TFAP2A: variants seen among roughly 807,000 people sequenced by gnomAD.
TFAP2A encodes transcription factor AP-2-alpha.
TFAP2A carries 7 observed loss-of-function variants against 41.5 expected under a neutral mutation model. That is an observed-to-expected ratio of 0.17 (90% CI 0.10 to 0.32). The LOEUF (loss-of-function observed/expected upper bound fraction) is 0.32, where lower values mean the gene tolerates loss of function less well. Ranked by LOEUF, TFAP2A falls within the 10% of genes least tolerant of loss-of-function variation. TFAP2A has a pLI of 1.00. For synonymous variants in TFAP2A, 247 were observed against 242.8 expected (o/e 1.02, Z -0.16); for missense variants, 416 against 563.3 (o/e 0.74, Z 2.65).
At chr6:10,404,126 T>C (rs62395333) in intron 4 of TFAP2A, among the ~76,000 whole-genome samples, 1,583 of 152,102 alleles carry the variant, frequency 0.01, 45 homozygotes, top group Non-Finnish European at 0.014. Context: ...GCTTGCAAGG[T>C]GTGCGCGAAG....
intron 1 of TFAP2A, chr6:10,411,692 G>C: frequency 6.3e-7 from 1 of 1,594,314 alleles, no homozygotes; most frequent in Non-Finnish European, 8.5e-7. Flanking sequence ...CCACACAAAA[G>C]GCGCCGAGAG....
At chr6:10,414,367 T>C (rs1758149596) in intron 1 of TFAP2A, among the ~76,000 whole-genome samples, 2 of 151,982 alleles carry the variant, frequency 1.3e-5, no homozygotes, top group African/African-American at 4.8e-5. Context: ...TTGAACCCGC[T>C]TACAGGAAGA....
Position 10,400,518 on chromosome 6 carries a change from C to T in TFAP2A, c.961G>A (p.Glu321Lys). 6 of 1,614,110 alleles carry T rather than the reference C, an allele frequency of 3.7e-6. No individual in the cohort carries two copies. Among genetic ancestry groups the T allele is most frequent in the Non-Finnish European group, 5.1e-6 (6 of 1,180,030 alleles). The change falls in exon 6 of 7, where the codon GAA becomes AAA. Residue 321 changes from glutamate to lysine, a missense_variant. Transcript: ENST00000379613. Reference sequence around the variant, plus strand: ...TCGGAATGTTGTCGGTTGAGAAATTCAGCTACTGCTTTGGCAGGAAATTCG... The same window carrying T: ...TCGGAATGTTGTCGGTTGAGAAATTTAGCTACTGCTTTGGCAGGAAATTCG... ...ETEFPAKAVAEFLNRQHSDPN... is the reference protein window; with the variant it reads ...ETEFPAKAVAKFLNRQHSDPN...
chr6:10,412,655 TC>T, intron 1 of TFAP2A: 1 of 325,974 alleles, frequency 3.1e-6, no homozygotes, highest in Non-Finnish European at 6.3e-6. Context: ...TGGGACCGCG[TC>T]CGGGCGCTCG....
intron 4 of TFAP2A, among the ~76,000 whole-genome samples, chr6:10,403,146 A>G (rs987904418): frequency 1.5e-4 from 23 of 152,386 alleles, no homozygotes; most frequent in African/African-American, 4.6e-4. Context: ...TCAAAAGCTG[A>G]TATCAGCCCT....
upstream of TFAP2A, chr6:10,415,089 G>GA (rs1758188948): frequency 6.8e-7 from 1 of 1,478,552 alleles, no homozygotes; most frequent in African/African-American, 1.5e-5. Flanking sequence ...GTGAGCGCAG[G>GA]AGGAGGAGGA....
intron 5 of TFAP2A, 32 bp from the exon 6 acceptor site, chr6:10,400,621 G>A (rs200057899): frequency 9.3e-6 from 15 of 1,613,512 alleles, no homozygotes; most frequent in South Asian, 3.3e-5. Flanking sequence ...GAGCCAGTGC[G>A]AGAGAATGAA....
chr6:10,414,224 A>C (rs1230080394), intron 1 of TFAP2A, among the ~76,000 whole-genome samples: 2 of 152,086 alleles, frequency 1.3e-5, no homozygotes, highest in South Asian at 2.1e-4. Context: ...GGCGCAGCAC[A>C]TCTCCCCACC....
rs572036139 is a variant in TFAP2A at position 10,409,884 on chromosome 6, G to A, written c.486+17C>T. 36 of 1,548,180 alleles carry A rather than the reference G, an allele frequency of 2.3e-5. No homozygotes were observed. Among genetic ancestry groups the A allele is most frequent in the Middle Eastern group, 1.7e-4 (1 of 5,986 alleles). On this transcript the variant is annotated intron_variant, in intron 2 of 6. Coordinates refer to ENST00000379613, the MANE Select transcript of TFAP2A (RefSeq NM_001372066.1). ...GGGGGCTGTGTTCCCTCCCGCGCTGGTTGCGCGGCCTCTTACCGGGACCTC... is the reference window on the plus strand; with the variant it reads ...GGGGGCTGTGTTCCCTCCCGCGCTGATTGCGCGGCCTCTTACCGGGACCTC...
At chr6:10,404,856 G>T in intron 3 of TFAP2A, 117 bp from the exon 4 acceptor site, 1 of 880,042 alleles carries the variant, frequency 1.1e-6, no homozygotes, top group Non-Finnish European at 1.8e-6. Context: ...CACAGTCCCC[G>T]CTTTTCCGTC....
chr6:10,408,856 T>C (rs2113198323), intron 2 of TFAP2A, among the ~76,000 whole-genome samples: 1 of 152,380 alleles, frequency 6.6e-6, no homozygotes, highest in Non-Finnish European at 1.5e-5. Flanking sequence ...TCTAATGTAG[T>C]AATCATTAAA....
chr6:10,404,960 C>T, intron 3 of TFAP2A: 1 of 596,346 alleles, frequency 1.7e-6, no homozygotes, highest in Non-Finnish European at 3.0e-6. Flanking sequence ...CCTGCCCTCC[C>T]CCAGCCAGCC....
upstream of TFAP2A, chr6:10,415,331 G>A: frequency 8.0e-7 from 1 of 1,254,226 alleles, no homozygotes; most frequent in Non-Finnish European, 1.0e-6. Flanking sequence ...ATCAACAATA[G>A]TCCAATTGCT....
intron 2 of TFAP2A, chr6:10,409,690 A>T (rs2857073): frequency 1.7e-6 from 1 of 595,900 alleles, no homozygotes; most frequent in South Asian, 2.0e-5. Flanking sequence ...TGTTTGAGGG[A>T]GCTCCAGAAA....
chr6:10,398,555 A>G lies in TFAP2A; in HGVS notation c.1182T>C (p.Cys394=), dbSNP rs2113997896. 1 of 1,614,192 alleles carries G rather than the reference A, an allele frequency of 6.2e-7. No homozygotes were observed. The highest frequency in any genetic ancestry group is 8.5e-7 in the Non-Finnish European group (1 of 1,180,010). ...ISHGFGSPAV[C]AAVTALQNYL... ...AGTTCTGCAGGGCCGTGACCGCGGC[A>G]CACACCGCGGGGCTGCCGAAGCCGT... is the stretch of plus-strand genomic sequence containing the variant. Residue 394 remains cysteine (C), a synonymous_variant, in exon 7 of 7, where the codon TGT becomes TGC. Transcript: ENST00000379613. The surrounding 1 kb of genome is among the most constrained non-coding windows in gnomAD (Gnocchi z 5.3).
chr6:10,399,953 G>A (rs1388553772), intron 6 of TFAP2A, among the ~76,000 whole-genome samples: 5 of 149,790 alleles, frequency 3.3e-5, no homozygotes, highest in South Asian at 2.1e-4. Context: ...TGTCACTTTC[G>A]AGAAGGGGTT....
chr6:10,409,565 G>C lies in TFAP2A; in HGVS notation c.486+336C>G, dbSNP rs567076150. 8 of 291,192 alleles carry C rather than the reference G, an allele frequency of 2.7e-5. No homozygotes were observed. In the South Asian group the frequency reaches 3.4e-4, roughly 12 times the overall value. 18.0% of individuals were successfully genotyped at this position (291,192 alleles called of 1,614,324 possible). A position where few individuals can be genotyped will look rare whatever the true frequency, so the allele number is the denominator to read the frequency against. On this transcript the variant is annotated intron_variant, in intron 2 of 6. Transcript: ENST00000379613. Reference sequence around the variant, plus strand: ...GAGAAATCTCCACGCCAGACTCAGCGATGGAAGTAGATCTTTTAGCAATTG... The same window carrying C: ...GAGAAATCTCCACGCCAGACTCAGCCATGGAAGTAGATCTTTTAGCAATTG...
intron 1 of TFAP2A, among the ~76,000 whole-genome samples, chr6:10,413,068 G>T (rs1016615139): frequency 2.0e-5 from 3 of 152,088 alleles, no homozygotes; most frequent in African/African-American, 7.2e-5. Context: ...CAGATGACAC[G>T]ACTAGCTCTC....
At chr6:10,406,124 C>G (rs1215407501) in intron 3 of TFAP2A, 1 of 152,222 alleles carries the variant, frequency 6.6e-6, no homozygotes, top group African/African-American at 2.4e-5. Context: ...AAGCTGCTAC[C>G]AAGAGTGAAT....
Sources: gnomAD v4.1 joint callset for allele counts (sites outside exome capture counted in the v4.1 genomes callset) on GRCh38, gnomAD v4.1.1 for gene constraint, Gnocchi (gnomAD v3.1) non-coding constraint, MANE v1.5 for transcripts, NCBI Gene and HGNC (gene_info 2026-07-23, HGNC 2026-07-21) for gene names.